ORC4: variants seen among roughly 807,000 people sequenced by gnomAD.
ORC4 encodes the protein origin recognition complex, subunit 4 homolog.
In ORC4, 55 loss-of-function variants were observed where a neutral mutation model predicts 63.9. That is an observed-to-expected ratio of 0.86 (90% CI 0.69 to 1.08). The LOEUF (loss-of-function observed/expected upper bound fraction) is 1.08, where lower values mean the gene tolerates loss of function less well. Ranked by LOEUF, ORC4 falls within the 50% of genes least tolerant of loss-of-function variation. The probability of loss-of-function intolerance (pLI) is 0.00; values close to 1 mark genes in which losing one functional copy is unlikely to be tolerated. For synonymous variants in ORC4, 150 were observed against 168.5 expected, an observed-to-expected ratio of 0.89 and a Z score of 0.85; for missense variants, 511 against 504.4, an observed-to-expected ratio of 1.01 and a Z score of -0.13.
intron 10 of ORC4, among the ~76,000 whole-genome samples, chr2:147,941,066 A>G (rs1308677210): frequency 6.6e-6 from 1 of 152,160 alleles, no homozygotes; most frequent in Non-Finnish European, 1.5e-5. Flanking sequence ...TCTACTACAT[A>G]TACATGTATT....
chr2:147,939,880 T>C (rs1036513645), intron 10 of ORC4, among the ~76,000 whole-genome samples: 2 of 152,176 alleles, frequency 1.3e-5, no homozygotes, highest in African/African-American at 2.4e-5. Context: ...TTCATGAAAG[T>C]TAAATTTGGT....
At chr2:147,998,343 T>C (rs1224349061) in intron 1 of ORC4, among the ~76,000 whole-genome samples, 2 of 152,188 alleles carry the variant, frequency 1.3e-5, no homozygotes, top group African/African-American at 4.8e-5. Flanking sequence ...CGTGGCAATA[T>C]TGAAAGGTGA....
intron 1 of ORC4, among the ~76,000 whole-genome samples, chr2:148,002,757 A>G (rs868329867): frequency 6.6e-6 from 1 of 152,182 alleles, no homozygotes; most frequent in Non-Finnish European, 1.5e-5. Context: ...AGAAATAACT[A>G]AGACCAGAGC....
intron 9 of ORC4, 47 bp from the exon 10 acceptor site, chr2:147,943,569 T>A: frequency 8.9e-7 from 1 of 1,119,112 alleles, no homozygotes; most frequent in Non-Finnish European, 1.3e-6. Context: ...AAAGATGTAG[T>A]TTAAAACCTA....
intron 1 of ORC4, among the ~76,000 whole-genome samples, chr2:147,988,070 A>T (rs992175646): frequency 6.6e-5 from 10 of 151,506 alleles, no homozygotes; most frequent in Admixed American, 2.0e-4. Flanking sequence ...AAAAAAAAAG[A>T]AAGTATTGTA....
chr2:147,997,311 A>G (rs993978800), intron 1 of ORC4, among the ~76,000 whole-genome samples: 4 of 152,204 alleles, frequency 2.6e-5, no homozygotes, highest in South Asian at 4.1e-4. Flanking sequence ...TCTGAATGAT[A>G]CTGTAATAAT....
intron 8 of ORC4, among the ~76,000 whole-genome samples, chr2:147,949,197 A>G (rs17219169): frequency 3.4e-3 from 520 of 152,058 alleles, no homozygotes; most frequent in East Asian, 8.3e-3. Context: ...AATATAAACA[A>G]CCCAAATGTC....
intron 8 of ORC4, among the ~76,000 whole-genome samples, chr2:147,951,794 GC>G (rs1688972917): frequency 6.6e-6 from 1 of 152,142 alleles, no homozygotes; most frequent in African/African-American, 2.4e-5. Flanking sequence ...ACACAAAAAG[GC>G]CTGTACTGCT....
intron 4 of ORC4, among the ~76,000 whole-genome samples, chr2:147,963,068 G>A (rs1427083170): frequency 1.3e-5 from 2 of 152,066 alleles, no homozygotes; most frequent in African/African-American, 4.8e-5. Flanking sequence ...GCAGTCTTGT[G>A]CTCACCTCCC....
At chr2:148,012,282 C>A (rs1490547185) in intron 1 of ORC4, among the ~76,000 whole-genome samples, 1 of 151,998 alleles carries the variant, frequency 6.6e-6, no homozygotes, top group East Asian at 1.9e-4. Flanking sequence ...AACAGAGAGT[C>A]CAGAAATTAA....
At chr2:147,963,541 C>A (rs1689728814) in intron 4 of ORC4, among the ~76,000 whole-genome samples, 1 of 152,310 alleles carries the variant, frequency 6.6e-6, no homozygotes, top group Admixed American at 6.5e-5. Flanking sequence ...CCCTACACCT[C>A]TGTTGGGATC....
At chr2:147,941,668 A>T (rs1573749679) in intron 10 of ORC4, among the ~76,000 whole-genome samples, 1 of 152,152 alleles carries the variant, frequency 6.6e-6, no homozygotes, top group East Asian at 1.9e-4. Context: ...CCATTATTTA[A>T]TTCATTACCA....
intron 1 of ORC4, among the ~76,000 whole-genome samples, chr2:148,003,242 C>A (rs1692425870): frequency 6.6e-6 from 1 of 152,102 alleles, no homozygotes; most frequent in African/African-American, 2.4e-5. Context: ...AAAAGAGGGA[C>A]TCCTCTCTAA....
At chr2:147,948,655 T>A (rs1316671334) in intron 8 of ORC4, among the ~76,000 whole-genome samples, 1 of 150,784 alleles carries the variant, frequency 6.6e-6, no homozygotes, top group Non-Finnish European at 1.5e-5. Flanking sequence ...ATGGCATTCG[T>A]AAGTTATCTT....
intron 4 of ORC4, among the ~76,000 whole-genome samples, chr2:147,962,391 AGCATG>A (rs1343963184): frequency 6.6e-6 from 1 of 152,182 alleles, no homozygotes; most frequent in African/African-American, 2.4e-5. Context: ...GCCCTGCTGC[AGCATG>A]GCACCATTGA....
chr2:147,958,918 C>G (rs1204783074), intron 4 of ORC4, 52 bp from the exon 5 acceptor site: 1 of 782,004 alleles, frequency 1.3e-6, no homozygotes, highest in East Asian at 2.7e-5. Flanking sequence ...AAAAATAAGT[C>G]CATATTCGTT....
At position 147,931,448 on chromosome 2, in the gene ORC4, G is replaced by A. The variant is rs1039032013; in HGVS notation, c.*4062C>T. 2.0e-5 allele frequency: 3 copies of A among 152,080 alleles called. No individual in the cohort carries two copies. The highest frequency in any genetic ancestry group is 2.0e-4 in the Admixed American group (3 of 15,234). 9.4% of individuals were successfully genotyped at this position (152,080 alleles called of 1,614,324 possible). ...AATCGCCACACTGACTTCCACAATG[G>A]TTGAACTAGTTTACAGTCCCACCAA... On this transcript the variant is annotated 3_prime_UTR_variant, in exon 14 of 14. Coordinates refer to ENST00000392857, the MANE Select transcript of ORC4 (RefSeq NM_181741.4).
intron 1 of ORC4, among the ~76,000 whole-genome samples, chr2:147,983,695 G>A (rs1219850658): frequency 6.6e-6 from 1 of 152,190 alleles, no homozygotes; most frequent in Non-Finnish European, 1.5e-5. Context: ...AAGCCAACAA[G>A]ACTGAAACAA....
chr2:147,932,337 T>C lies in ORC4; in HGVS notation c.*3173A>G, dbSNP rs1362982533. The C allele has an allele frequency of 6.6e-6, 1 of 152,168 alleles. No individual in the cohort carries two copies. The highest frequency in any genetic ancestry group is 2.4e-5 in the African/African-American group (1 of 41,414). The allele number at this position is 152,168 out of a possible 1,614,324, so 9.4% of individuals were successfully genotyped here. A position where few individuals can be genotyped will look rare whatever the true frequency, so the allele number is the denominator to read the frequency against. ...AAACAAATGGAAGAACATTCCATGC[T>C]CTTGGGTAGGAAGAATCAATATTGT... On this transcript the variant is annotated 3_prime_UTR_variant, in exon 14 of 14. Coordinates refer to ENST00000392857, the MANE Select transcript of ORC4 (RefSeq NM_181741.4).
Sources: allele counts gnomAD v4.1 joint callset (sites outside exome capture counted in the v4.1 genomes callset), GRCh38; gene constraint gnomAD v4.1.1; transcripts MANE v1.5; gene names NCBI Gene and HGNC (gene_info 2026-07-23, HGNC 2026-07-21).